The following NRXN3 variants were observed in gnomAD, a reference collection of about 807,000 sequenced individuals.
The protein encoded by NRXN3 is neurexin III.
Under a neutral mutation model 137.6 loss-of-function variants are expected in NRXN3, and 32 were observed. The observed-to-expected ratio is 0.23, with a 90% CI of 0.18 to 0.31. The LOEUF is 0.31. Among genes scored for constraint, NRXN3 ranks in the 10% least tolerant of loss-of-function variants. The pLI, the probability that NRXN3 is intolerant of heterozygous loss-of-function variation, is 1.00. For missense variants in NRXN3, 1,574 were observed against 2,062.5 expected (o/e 0.76, Z 4.59); for synonymous variants, 798 against 784.5 (o/e 1.02, Z -0.29).
At chr14:78,990,065 T>A (rs1036176695) in intron 15 of NRXN3, among the ~76,000 whole-genome samples, 1 of 151,552 alleles carries the variant, frequency 6.6e-6, no homozygotes, top group Non-Finnish European at 1.5e-5. Flanking sequence ...ACTGTCTGAC[T>A]TGGGGAATTT....
At chr14:78,805,906 A>G (rs1464475171) in intron 9 of NRXN3, among the ~76,000 whole-genome samples, 1 of 152,196 alleles carries the variant, frequency 6.6e-6, no homozygotes, top group Non-Finnish European at 1.5e-5. Flanking sequence ...ATAAGTGTAC[A>G]GATTCTCATT....
chr14:79,188,331 G>T (rs8021953), intron 15 of NRXN3, among the ~76,000 whole-genome samples: 40,170 of 151,436 alleles, frequency 0.27, 6,193 homozygotes, highest in Non-Finnish European at 0.36. Flanking sequence ...CGAGATATGT[G>T]GAAAAAATAG....
intron 15 of NRXN3, among the ~76,000 whole-genome samples, chr14:79,135,283 G>T (rs2058098586): frequency 6.6e-6 from 1 of 152,070 alleles, no homozygotes. Context: ...CCAAGATTTT[G>T]ACTCTGAAAA....
At chr14:78,500,899 T>A (rs1217318258) in intron 4 of NRXN3, among the ~76,000 whole-genome samples, 1 of 152,184 alleles carries the variant, frequency 6.6e-6, no homozygotes, top group East Asian at 1.9e-4. Flanking sequence ...AAAACTTATG[T>A]GCTCAAACGT....
intron 10 of NRXN3, among the ~76,000 whole-genome samples, chr14:78,882,680 T>C (rs1231633527): frequency 6.6e-6 from 1 of 151,670 alleles, no homozygotes; most frequent in Non-Finnish European, 1.5e-5. Context: ...TACAGTCTCA[T>C]AGGTGGAAAG....
intron 14 of NRXN3, among the ~76,000 whole-genome samples, chr14:78,970,275 C>T (rs60641428): frequency 1.8e-5 from 2 of 112,362 alleles, no homozygotes; most frequent in East Asian, 4.4e-4. Flanking sequence ...CTAGTAGCTA[C>T]ATTTTAAAAA....
At chr14:78,470,907 C>A (rs558392979) in intron 4 of NRXN3, among the ~76,000 whole-genome samples, 12 of 152,196 alleles carry the variant, frequency 7.9e-5, no homozygotes, top group African/African-American at 2.4e-4. Flanking sequence ...CTGACAGCAA[C>A]CTTCCGAAGG....
chr14:79,781,876 G>T (rs1568232824), intron 19 of NRXN3, among the ~76,000 whole-genome samples: 1 of 152,194 alleles, frequency 6.6e-6, no homozygotes, highest in Non-Finnish European at 1.5e-5. Flanking sequence ...GGATGGGGAG[G>T]TGGTAAAGAA....
chr14:79,339,893 A>G (rs2092499276), intron 15 of NRXN3, among the ~76,000 whole-genome samples: 1 of 152,230 alleles, frequency 6.6e-6, no homozygotes, highest in Admixed American at 6.5e-5. Context: ...TAAAATGCAT[A>G]CAATTAGTAG....
In NRXN3 at chr14:79,758,908, A is replaced by G. The variant is rs1300160418; in HGVS notation, c.4015-46204A>G. Among the ~76,000 whole-genome samples the G allele has an allele frequency of 2.6e-5, 4 of 152,204 alleles. No individual in the cohort carries two copies. In the East Asian group the frequency reaches 7.7e-4, roughly 29 times the overall value. ...GCCCAGAGAAGTCATTTAAACTGCA[A>G]GAGACTCAGCTTTCTCATCCTTGGA... On this transcript the variant is annotated intron_variant, in intron 19 of 20. Coordinates refer to ENST00000335750, the MANE Select transcript of NRXN3 (RefSeq NM_001330195.2).
chr14:78,908,782 T>C (rs1239590054), intron 10 of NRXN3, among the ~76,000 whole-genome samples: 2 of 151,858 alleles, frequency 1.3e-5, no homozygotes, highest in African/African-American at 4.8e-5. Context: ...AAATTTATGG[T>C]GAGGCTTGGG....
chr14:78,883,177 T>C (rs1164678259), intron 10 of NRXN3, among the ~76,000 whole-genome samples: 1 of 152,226 alleles, frequency 6.6e-6, no homozygotes, highest in Non-Finnish European at 1.5e-5. Flanking sequence ...CTCAGGTATT[T>C]CTTCATAGCA....
chr14:78,600,339 C>T lies in NRXN3; in HGVS notation c.758-44781C>T, dbSNP rs188036324. On this transcript the variant is annotated intron_variant, in intron 4 of 20. Transcript: ENST00000335750. ...ACCTTATAGATATGTATCTTACACT[C>T]ATATGACCTTCCCTACTACAATACT... Among the ~76,000 whole-genome samples, 5 of 152,298 alleles carry T rather than the reference C, an allele frequency of 3.3e-5. No homozygotes were observed. In the East Asian group the frequency reaches 7.7e-4, roughly 24 times the overall value.
chr14:79,732,434 T>C (rs1422673374), intron 19 of NRXN3, among the ~76,000 whole-genome samples: 1 of 152,186 alleles, frequency 6.6e-6, no homozygotes, highest in Admixed American at 6.5e-5. Flanking sequence ...TCCTATCTGG[T>C]TGGCCTCAAT....
At chr14:78,535,914 A>G (rs1293542978) in intron 4 of NRXN3, among the ~76,000 whole-genome samples, 1 of 152,190 alleles carries the variant, frequency 6.6e-6, no homozygotes, top group African/African-American at 2.4e-5. Flanking sequence ...GATGTTGGGT[A>G]GAGCTTAGCT....
At chr14:78,614,019 G>A (rs2152477902) in intron 4 of NRXN3, among the ~76,000 whole-genome samples, 1 of 152,272 alleles carries the variant, frequency 6.6e-6, no homozygotes, top group East Asian at 1.9e-4. Context: ...GTTGGTTGTA[G>A]CTTAGAGATT....
intron 16 of NRXN3, among the ~76,000 whole-genome samples, chr14:79,536,764 C>T (rs2097214806): frequency 6.6e-6 from 1 of 152,070 alleles, no homozygotes; most frequent in South Asian, 2.1e-4. Flanking sequence ...CCAGCTCCCT[C>T]CATGTCCCTG....
chr14:79,481,515 C>G (rs185121808), intron 16 of NRXN3, among the ~76,000 whole-genome samples: 2 of 152,120 alleles, frequency 1.3e-5, no homozygotes, highest in Non-Finnish European at 2.9e-5. Context: ...GTTCCTGTGA[C>G]GAATACTGTA....
rs75562983 is a variant in NRXN3 at position 79,041,641 on chromosome 14, G to A, written c.3262+53500G>A. The stretch of plus-strand genomic sequence containing the variant: ...ATGTGAACTTAACCTCTTCTTGAGA[G>A]TTTCAGTAAGGAAAGTGAGGCTCAC... On this transcript the variant is annotated intron_variant, in intron 15 of 20. Coordinates refer to ENST00000335750, the MANE Select transcript of NRXN3 (RefSeq NM_001330195.2). Among the ~76,000 whole-genome samples, 130 of 152,226 alleles carry A rather than the reference G, an allele frequency of 8.5e-4. 1 individual carries two copies. Among genetic ancestry groups the A allele is most frequent in the Middle Eastern group, 3.4e-3 (1 of 294 alleles).
Sources: allele counts gnomAD v4.1 joint callset (sites outside exome capture counted in the v4.1 genomes callset), GRCh38; gene constraint gnomAD v4.1.1; transcripts MANE v1.5; gene names NCBI Gene and HGNC (gene_info 2026-07-23, HGNC 2026-07-21).